CTNNA3: variants seen among roughly 807,000 people sequenced by gnomAD.
CTNNA3 encodes catenin alpha 3.
In CTNNA3, 76 loss-of-function variants were observed where a neutral mutation model predicts 95.7. The observed-to-expected ratio is 0.79, with a 90% CI of 0.66 to 0.96. CTNNA3 has a LOEUF of 0.96. Among genes scored for constraint, CTNNA3 ranks in the 40% least tolerant of loss-of-function variants. The probability of loss-of-function intolerance (pLI) is 0.00; values close to 1 mark genes in which losing one functional copy is unlikely to be tolerated. For missense variants in CTNNA3, 1,191 were observed against 1,089.8 expected (o/e 1.09, Z -1.31); for synonymous variants, 431 against 374.4 (o/e 1.15, Z -1.74).
chr10:66,755,347 G>GA (rs1839321161), intron 9 of CTNNA3, among the ~76,000 whole-genome samples: 1 of 152,082 alleles, frequency 6.6e-6, no homozygotes, highest in Admixed American at 6.5e-5. Context: ...CAGGGAGATA[G>GA]AAAAAATGTT....
At chr10:67,346,030 T>A (rs961918809) in intron 5 of CTNNA3, among the ~76,000 whole-genome samples, 1 of 152,158 alleles carries the variant, frequency 6.6e-6, no homozygotes, top group African/African-American at 2.4e-5. Context: ...CCATGAGGCT[T>A]GCAAATACTA....
intron 10 of CTNNA3, among the ~76,000 whole-genome samples, chr10:66,572,249 G>C (rs1024297221): frequency 9.2e-5 from 14 of 151,544 alleles, no homozygotes; most frequent in Admixed American, 4.6e-4. Context: ...TGGGTGTGGG[G>C]GCACGTGCCT....
intron 12 of CTNNA3, among the ~76,000 whole-genome samples, chr10:66,352,433 T>C (rs1381134301): frequency 6.6e-6 from 1 of 152,052 alleles, no homozygotes; most frequent in Non-Finnish European, 1.5e-5. Flanking sequence ...AGAACATTCA[T>C]AATAAAGGAA....
At chr10:66,319,387 G>A (rs1460387320) in intron 12 of CTNNA3, among the ~76,000 whole-genome samples, 1 of 152,042 alleles carries the variant, frequency 6.6e-6, no homozygotes, top group Non-Finnish European at 1.5e-5. Context: ...TACACACCAA[G>A]CCTACTTTTC....
At chr10:66,691,202 T>G (rs1160236543) in intron 9 of CTNNA3, among the ~76,000 whole-genome samples, 2 of 152,258 alleles carry the variant, frequency 1.3e-5, no homozygotes, top group Admixed American at 6.5e-5. Flanking sequence ...TTCCCTTTCC[T>G]AGTCAAAGAA....
At chr10:67,550,349 C>A (rs1840980684) in intron 3 of CTNNA3, among the ~76,000 whole-genome samples, 1 of 152,128 alleles carries the variant, frequency 6.6e-6, no homozygotes, top group Non-Finnish European at 1.5e-5. Context: ...TTTCTCCTCA[C>A]CCCAAAGCAT....
chr10:67,495,413 T>A (rs572013887), intron 5 of CTNNA3, among the ~76,000 whole-genome samples: 2 of 152,268 alleles, frequency 1.3e-5, no homozygotes, highest in Non-Finnish European at 2.9e-5. Flanking sequence ...CCTAGAAGCA[T>A]TTTTTAGAGT....
At chr10:67,340,478 C>G (rs966534113) in intron 5 of CTNNA3, among the ~76,000 whole-genome samples, 1 of 152,170 alleles carries the variant, frequency 6.6e-6, no homozygotes, top group African/African-American at 2.4e-5. Context: ...ACTCAGCATG[C>G]TAATATATCA....
Position 66,236,447 on chromosome 10 carries a change from CTG to C in CTNNA3, c.1884+44021_1884+44022del, listed in dbSNP as rs552788622. Among the ~76,000 whole-genome samples, 450 of 152,218 alleles carry C rather than the reference CTG, an allele frequency of 3.0e-3. 5 individuals carry two copies. The highest frequency in any genetic ancestry group is 5.3e-3 in the Non-Finnish European group (362 of 67,996). ...ATCTAAATATTTAGTAATATTTAATCTGTAAGATATTTTGGTAGGTTTCCTTG... is the reference window on the plus strand; with the variant it reads ...ATCTAAATATTTAGTAATATTTAATCTAAGATATTTTGGTAGGTTTCCTTG... On this transcript the variant is annotated intron_variant, in intron 13 of 17. Transcript: ENST00000433211.
intron 10 of CTNNA3, among the ~76,000 whole-genome samples, chr10:66,620,574 T>G (rs556217336): frequency 2.2e-4 from 34 of 152,128 alleles, no homozygotes; most frequent in Non-Finnish European, 4.6e-4. Context: ...ATGAAAACAC[T>G]TAAAGAGTGT....
rs1297933220 is a variant in CTNNA3 at position 66,845,729 on chromosome 10, A to AAAAC, written c.1048-70206_1048-70205insGTTT. ...AAAAAAAAAAAAAAAAAAAAAAAAA[A>AAAAC]CTAAAAAGGTGAGATATATATACAT... On this transcript the variant is annotated intron_variant, in intron 7 of 17. Transcript: ENST00000433211. 2.2e-3 allele frequency among the ~76,000 whole-genome samples: 191 copies of AAAAC among 87,734 alleles called. 4 individuals are homozygous for AAAAC. Among genetic ancestry groups the AAAAC allele is most frequent in the African/African-American group, 5.5e-3 (150 of 27,064 alleles). The allele number at this position is 87,734 out of a possible 152,430, so 57.6% of individuals were successfully genotyped here. A position where few individuals can be genotyped will look rare whatever the true frequency, so the allele number is the denominator to read the frequency against.
chr10:66,138,589 G>T (rs1012548844), intron 13 of CTNNA3, among the ~76,000 whole-genome samples: 4 of 152,182 alleles, frequency 2.6e-5, no homozygotes, highest in African/African-American at 4.8e-5. Context: ...AGCACTTTGG[G>T]AGGCCGAGGT....
intron 7 of CTNNA3, among the ~76,000 whole-genome samples, chr10:66,913,265 A>AAAAAAAAAAG (rs375522573): frequency 7.1e-6 from 1 of 141,242 alleles, no homozygotes; most frequent in Non-Finnish European, 1.6e-5. Flanking sequence ...AAAAAAAAAA[A>AAAAAAAAAAG]GAAAAAGAAA....
At chr10:67,740,217 C>G (rs1264721956) in intron 1 of CTNNA3, among the ~76,000 whole-genome samples, 2 of 152,164 alleles carry the variant, frequency 1.3e-5, no homozygotes, top group East Asian at 3.9e-4. Context: ...AGAAGAAAAC[C>G]TAGGCATTAC....
intron 11 of CTNNA3, among the ~76,000 whole-genome samples, chr10:66,449,366 T>C (rs1318188299): frequency 2.0e-5 from 3 of 151,888 alleles, no homozygotes; most frequent in Non-Finnish European, 2.9e-5. Flanking sequence ...GGGAGAAGAG[T>C]AAGGGAACGA....
intron 7 of CTNNA3, among the ~76,000 whole-genome samples, chr10:66,890,418 A>G (rs1021495545): frequency 6.6e-6 from 1 of 152,042 alleles, no homozygotes; most frequent in African/African-American, 2.4e-5. Flanking sequence ...GAACATGAAA[A>G]CATTTCTTTT....
chr10:67,359,135 G>A (rs1842915181), intron 5 of CTNNA3, among the ~76,000 whole-genome samples: 1 of 151,564 alleles, frequency 6.6e-6, no homozygotes, highest in Non-Finnish European at 1.5e-5. Context: ...CAGAGCCTTG[G>A]TTCTCTGAAA....
chr10:66,053,262 C>A lies in CTNNA3; in HGVS notation c.2159+16046G>T, dbSNP rs183399694. ...CAATATTGTTTTTATAACTACCTAC[C>A]AATCACCATCTCAAAGAAATGATAT... On this transcript the variant is annotated intron_variant, in intron 15 of 17. Transcript: ENST00000433211. Among the ~76,000 whole-genome samples the A allele has an allele frequency of 9.4e-4, 143 of 151,922 alleles. 1 individual carries two copies. The highest frequency in any genetic ancestry group is 4.4e-3 in the South Asian group (21 of 4,826).
At chr10:66,729,522 TAAGTG>T (rs1421382582) in intron 9 of CTNNA3, among the ~76,000 whole-genome samples, 1 of 152,254 alleles carries the variant, frequency 6.6e-6, no homozygotes, top group Non-Finnish European at 1.5e-5. Flanking sequence ...ATCATTATTC[TAAGTG>T]AAGTAACTCA....
Sources: gnomAD v4.1 joint callset for allele counts (sites outside exome capture counted in the v4.1 genomes callset) on GRCh38, gnomAD v4.1.1 for gene constraint, MANE v1.5 for transcripts, NCBI Gene and HGNC (gene_info 2026-07-23, HGNC 2026-07-21) for gene names.